Variants in TBC1D30 observed in about 807,000 individuals in gnomAD.
TBC1D30 encodes TBC1 domain family, member 30.
A neutral mutation model predicts 63.2 loss-of-function variants in TBC1D30; 31 were observed. The observed-to-expected ratio is 0.49, with a 90% CI of 0.37 to 0.66. TBC1D30 has a LOEUF of 0.66. Ranked by LOEUF, TBC1D30 falls within the 30% of genes least tolerant of loss-of-function variation. The pLI, the probability that TBC1D30 is intolerant of heterozygous loss-of-function variation, is 0.00. For synonymous variants in TBC1D30, 307 were observed against 361.5 expected (o/e 0.85, Z 1.71); for missense variants, 810 against 953.6 (o/e 0.85, Z 1.98).
chr12:64,867,290 C>G (rs1054360291), intron 10 of TBC1D30, among the ~76,000 whole-genome samples: 5 of 151,866 alleles, frequency 3.3e-5, no homozygotes, highest in African/African-American at 4.8e-5. Context: ...ATGGTGAAAC[C>G]CCGTCTCTAC....
rs540883230 is a variant in TBC1D30, at chr12:64,824,847, C to T, written c.-33C>T. 2.4e-4 allele frequency: 369 copies of T among 1,528,734 alleles called. 1 individual carries two copies. In the African/African-American group the frequency reaches 4.8e-3, roughly 20 times the overall value. 94.7% of individuals were successfully genotyped at this position (1,528,734 alleles called of 1,614,324 possible). A position where few individuals can be genotyped will look rare whatever the true frequency, so the allele number is the denominator to read the frequency against. ...GTGGGGTAGCGGGGACCGAGACGGA[C>T]GGTAGCCGTGCCAGAGCCCGGGGCG... On this transcript the variant is annotated 5_prime_UTR_variant, in exon 1 of 12. It adds an upstream start codon to the 5' untranslated region. Transcript: ENST00000539867.
At chr12:64,790,541 A>C (rs1275149413) in intron 2 of TBC1D30, among the ~76,000 whole-genome samples, 1 of 152,222 alleles carries the variant, frequency 6.6e-6, no homozygotes, top group Non-Finnish European at 1.5e-5. Context: ...TCTAGCTGTC[A>C]CTTGAAAACT....
chr12:64,803,433 T>C (rs531073885), intron 2 of TBC1D30, among the ~76,000 whole-genome samples: 1 of 152,226 alleles, frequency 6.6e-6, no homozygotes, highest in Non-Finnish European at 1.5e-5. Flanking sequence ...AAAAATTTTC[T>C]CCCATTCTGT....
chr12:64,804,443 A>G (rs954466380), intron 2 of TBC1D30, among the ~76,000 whole-genome samples: 4 of 152,182 alleles, frequency 2.6e-5, no homozygotes, highest in Admixed American at 6.5e-5. Flanking sequence ...AACAGGGACA[A>G]TTTGACTCCC....
rs1380992506 is a variant in TBC1D30 at position 64,876,879 on chromosome 12, T to G, written c.*1091T>G. 1 of 456,048 alleles carries G rather than the reference T, an allele frequency of 2.2e-6. No homozygotes were observed. The highest frequency in any genetic ancestry group is 2.3e-5 in the Admixed American group (1 of 42,566). 28.3% of individuals were successfully genotyped at this position (456,048 alleles called of 1,614,324 possible). On this transcript the variant is annotated 3_prime_UTR_variant, in exon 12 of 12. Transcript: ENST00000539867. ...CAGGGATAGCACCTCTTGTCTCCAC[T>G]ATGCAGATGGGAACTCTGAGCCACA...
rs952943977 is a variant in TBC1D30 at position 64,877,372 on chromosome 12, A to G, written c.*1584A>G. 1 of 156,248 alleles carries G rather than the reference A, an allele frequency of 6.4e-6. No homozygotes were observed. Among genetic ancestry groups the G allele is most frequent in the African/African-American group, 2.4e-5 (1 of 41,510 alleles). 9.7% of individuals were successfully genotyped at this position (156,248 alleles called of 1,614,324 possible). A position where few individuals can be genotyped will look rare whatever the true frequency, so the allele number is the denominator to read the frequency against. On this transcript the variant is annotated 3_prime_UTR_variant, in exon 12 of 12. Coordinates refer to ENST00000539867, the MANE Select transcript of TBC1D30 (RefSeq NM_015279.2). ...TTGTTAATTCTGAAACGAAAACTGT[A>G]ACTGTAGAGCAGGCTTTTACTATGA...
chr12:64,790,451 T>C (rs1871853089), intron 2 of TBC1D30, among the ~76,000 whole-genome samples: 1 of 152,230 alleles, frequency 6.6e-6, no homozygotes, highest in African/African-American at 2.4e-5. Flanking sequence ...ATAGTTTTGC[T>C]ATTTCCTGCA....
At chr12:64,822,778 C>T (rs1220017725), upstream of TBC1D30, among the ~76,000 whole-genome samples, 1 of 151,282 alleles carries the variant, frequency 6.6e-6, no homozygotes, top group Non-Finnish European at 1.5e-5. Context: ...AGGAAGGAGC[C>T]TATTTATGTG....
intron 9 of TBC1D30, among the ~76,000 whole-genome samples, 182 bp from the exon 10 acceptor site, chr12:64,866,582 T>C (rs1042088613): frequency 6.6e-6 from 1 of 152,040 alleles, no homozygotes; most frequent in African/African-American, 2.4e-5. Flanking sequence ...GAATTACAGG[T>C]GTGCGGCACC....
At chr12:64,761,049 A>C (rs1248646344) in intron 1 of TBC1D30, among the ~76,000 whole-genome samples, 1 of 152,162 alleles carries the variant, frequency 6.6e-6, no homozygotes, top group African/African-American at 2.4e-5. Flanking sequence ...GTTTTTCTGC[A>C]AGAAACAATT....
At chr12:64,779,224 ACTC>A (rs1210902246), upstream of TBC1D30, 2 of 151,984 alleles carry the variant, frequency 1.3e-5, no homozygotes, top group Admixed American at 1.3e-4. Context: ...TTCAGTGTTT[ACTC>A]CTCTGAAAGT....
intron 2 of TBC1D30, among the ~76,000 whole-genome samples, chr12:64,790,178 A>C (rs1297287215): frequency 6.6e-6 from 1 of 152,214 alleles, no homozygotes. Flanking sequence ...TTATAAATAC[A>C]GAGTTTCTGG....
chr12:64,846,905 ATTTCTTTGGTTAACT>A (rs1876431537), intron 8 of TBC1D30, among the ~76,000 whole-genome samples: 1 of 143,966 alleles, frequency 6.9e-6, no homozygotes, highest in Non-Finnish European at 1.5e-5. Flanking sequence ...GAGCTCTTTC[ATTTCTTTGGTTAACT>A]TAATTCCTAG....
intron 1 of TBC1D30, among the ~76,000 whole-genome samples, chr12:64,772,663 C>T (rs1870948663): frequency 1.3e-5 from 2 of 152,016 alleles, no homozygotes; most frequent in South Asian, 2.1e-4. Context: ...CTCCTGACTT[C>T]ATGATCCACC....
At chr12:64,796,895 A>C (rs1250429605) in intron 2 of TBC1D30, among the ~76,000 whole-genome samples, 1 of 151,900 alleles carries the variant, frequency 6.6e-6, no homozygotes, top group Non-Finnish European at 1.5e-5. Flanking sequence ...AAAAGAATTG[A>C]CTCTTTAATT....
chr12:64,872,122 A>G (rs1000400014), intron 11 of TBC1D30, among the ~76,000 whole-genome samples: 5 of 152,136 alleles, frequency 3.3e-5, no homozygotes, highest in Admixed American at 2.0e-4. Flanking sequence ...CCACTTCCCA[A>G]GTTCAAGCAA....
rs181053602 is a variant in TBC1D30, at chr12:64,792,789, G to A, written c.643+6744G>A. On this transcript the variant is annotated intron_variant, in intron 2 of 12. Transcript: ENST00000542120. ...GGGTTTCACCATGTTGGCCAGGCTG[G>A]TCTTAAACCCATGACCTCAAATGAT... Among the ~76,000 whole-genome samples, 340 of 152,208 alleles carry A rather than the reference G, an allele frequency of 2.2e-3. 2 individuals carry two copies. The highest frequency in any genetic ancestry group is 7.8e-3 in the African/African-American group (323 of 41,522).
At chr12:64,821,552 T>C (rs1392938787), upstream of TBC1D30, among the ~76,000 whole-genome samples, 1 of 152,174 alleles carries the variant, frequency 6.6e-6, no homozygotes, top group African/African-American at 2.4e-5. Flanking sequence ...AGTTACCAAC[T>C]TGTCCTGCTG....
chr12:64,824,392 C>T (rs1874097973), upstream of TBC1D30, among the ~76,000 whole-genome samples: 1 of 152,180 alleles, frequency 6.6e-6, no homozygotes, highest in South Asian at 2.1e-4. Context: ...GAGACTGGCG[C>T]CCCTTGGTGC....
Sources: allele counts gnomAD v4.1 joint callset (sites outside exome capture counted in the v4.1 genomes callset), GRCh38; gene constraint gnomAD v4.1.1; transcripts MANE v1.5; gene names NCBI Gene and HGNC (gene_info 2026-07-23, HGNC 2026-07-21).